CEP120: variants seen among roughly 807,000 people sequenced by gnomAD.
CEP120 encodes the protein centrosomal protein 120.
In CEP120, 113 loss-of-function variants were observed where a neutral mutation model predicts 126.5. That is an observed-to-expected ratio of 0.89 (90% CI 0.77 to 1.04). The LOEUF (loss-of-function observed/expected upper bound fraction) is 1.04, where lower values mean the gene tolerates loss of function less well. CEP120 is among the 50% of genes least tolerant of loss of function. The pLI is 0.00. For synonymous variants in CEP120, 400 were observed against 394.3 expected, an observed-to-expected ratio of 1.01 and a Z score of -0.17; for missense variants, 1,230 against 1,155.7, an observed-to-expected ratio of 1.06 and a Z score of -0.93.
intron 18 of CEP120, among the ~76,000 whole-genome samples, chr5:123,360,084 A>G (rs1769962200): frequency 6.6e-6 from 1 of 151,978 alleles, no homozygotes; most frequent in Non-Finnish European, 1.5e-5. Context: ...CACCAGAGGC[A>G]ATGTAAAATT....
At chr5:123,377,590 T>G in intron 15 of CEP120, 55 bp from the exon 16 acceptor site, 1 of 1,340,934 alleles carries the variant, frequency 7.5e-7, no homozygotes, top group East Asian at 2.4e-5. Context: ...CATTATACTA[T>G]TCGATATTCC....
chr5:123,364,591 C>A lies in CEP120; in HGVS notation c.2485G>T (p.Glu829Ter). 6.3e-7 allele frequency: 1 copy of A among 1,595,434 alleles called. No homozygotes were observed. The highest frequency in any genetic ancestry group is 1.1e-5 in the South Asian group (1 of 90,102). ...GCAGATTCCAACTTTCTTTCAAGTT[C>A]AACCTAACAGTGATTAAAATCATAT... The part of the protein sequence containing the change: ...EINLLTLEKV[E>*]LERKLESATK... The change falls in exon 18 of 20, where the codon GAA (glutamate) becomes TAA (stop). Residue 829 changes from glutamate to a stop codon, truncating the protein, a stop_gained. Transcript: ENST00000306467. LOFTEE classifies it high-confidence loss of function.
intron 4 of CEP120, among the ~76,000 whole-genome samples, chr5:123,406,586 GA>G (rs201100015): frequency 0.062 from 8,374 of 135,760 alleles, 323 homozygotes; most frequent in South Asian, 0.11. Context: ...ACAATGTTGA[GA>G]AAAAAAAAAA....
intron 4 of CEP120, 33 bp downstream of exon 4, chr5:123,412,366 C>T: frequency 6.3e-7 from 1 of 1,578,450 alleles, no homozygotes; most frequent in African/African-American, 1.4e-5. Context: ...GATGGAACTT[C>T]TCAGAGAATG....
chr5:123,398,988 C>T, intron 5 of CEP120, 148 bp downstream of exon 5: 2 of 515,882 alleles, frequency 3.9e-6, no homozygotes, highest in Non-Finnish European at 3.3e-6. Flanking sequence ...GTTTTCTTTC[C>T]AGTATGAAAG....
chr5:123,387,317 C>A (rs1772098385), intron 9 of CEP120, among the ~76,000 whole-genome samples: 2 of 152,076 alleles, frequency 1.3e-5, no homozygotes, highest in South Asian at 2.1e-4. Flanking sequence ...TGTAGTCACC[C>A]AATTCCTATA....
chr5:123,374,536 G>A (rs1260473553), intron 16 of CEP120, among the ~76,000 whole-genome samples: 2 of 151,842 alleles, frequency 1.3e-5, no homozygotes, highest in Non-Finnish European at 2.9e-5. Context: ...AACATATACC[G>A]CTATGACTAT....
intron 4 of CEP120, 95 bp downstream of exon 4, chr5:123,412,304 C>G: frequency 8.6e-7 from 1 of 1,167,802 alleles, no homozygotes; most frequent in Non-Finnish European, 1.2e-6. Flanking sequence ...ACAGTTTACA[C>G]CCTGCATATA....
Position 123,382,198 on chromosome 5 carries a change from C to T in CEP120, c.2016G>A (p.Leu672=), listed in dbSNP as rs1339402728. ...GCATATGAGCCAGTTCTTTCTGCTT[C>T]AGCTACAAAAGGAAGAAAAATAAAG... ...EMQEDIFENQ[L]KQKELAHMQA... is the part of the protein sequence containing the mutation. The change falls in exon 14 of 20, where the codon CTG becomes CTA. Residue 672 remains leucine (L), a splice_region_variant and synonymous_variant. Coordinates refer to ENST00000306467, the MANE Select transcript of CEP120 (RefSeq NM_001375405.1). 6.3e-7 allele frequency: 1 copy of T among 1,598,654 alleles called. No homozygotes were observed.
intron 4 of CEP120, chr5:123,401,654 T>C (rs1159828463): frequency 1.4e-6 from 2 of 1,429,600 alleles, no homozygotes; most frequent in Admixed American, 1.7e-5. Flanking sequence ...CCGGATCTCC[T>C]CTTCATACAG....
chr5:123,400,864 C>T, intron 4 of CEP120: 1 of 1,088,186 alleles, frequency 9.2e-7, no homozygotes, highest in Non-Finnish European at 1.4e-6. Flanking sequence ...TGACCTCCCT[C>T]CCAGGCTCTG....
Position 123,346,464 on chromosome 5 carries a change from T to C in CEP120, c.*55A>G, listed in dbSNP as rs1486704437. ...CCATTTTCCTCACTTTTGAGGTTTT[T>C]ACAAAGAAATTAAAATTTAGACTTA... On this transcript the variant is annotated 3_prime_UTR_variant, in exon 20 of 20. Transcript: ENST00000306467. 5.2e-6 allele frequency: 7 copies of C among 1,352,432 alleles called. No homozygotes were observed. In the Admixed American group the frequency reaches 1.6e-4, roughly 31 times the overall value. The allele number at this position is 1,352,432 out of a possible 1,614,324, so 83.8% of individuals were successfully genotyped here. A position where few individuals can be genotyped will look rare whatever the true frequency, so the allele number is the denominator to read the frequency against.
chr5:123,407,105 T>A (rs200092285), intron 4 of CEP120, among the ~76,000 whole-genome samples: 186 of 124,452 alleles, frequency 1.5e-3, no homozygotes, highest in Non-Finnish European at 1.8e-3. Context: ...ACTAAAAAAG[T>A]AAAAAAAAAA....
chr5:123,415,829 G>A (rs527935254), intron 3 of CEP120, among the ~76,000 whole-genome samples, 181 bp downstream of exon 3: 1 of 151,676 alleles, frequency 6.6e-6, no homozygotes, highest in East Asian at 1.9e-4. Context: ...CCAAGATTGT[G>A]CTATTGCACT....
intron 16 of CEP120, among the ~76,000 whole-genome samples, chr5:123,375,532 A>T (rs1010486805): frequency 2.6e-5 from 4 of 152,022 alleles, no homozygotes; most frequent in Non-Finnish European, 4.4e-5. Flanking sequence ...CATGTTGCCC[A>T]GGCTAGTCTT....
chr5:123,346,363 A>G lies in CEP120; in HGVS notation c.*156T>C, dbSNP rs1299428103. The G allele has an allele frequency of 1.9e-6, 1 of 522,778 alleles. No homozygotes were observed. The highest frequency in any genetic ancestry group is 3.1e-5 in the East Asian group (1 of 32,588). The allele number at this position is 522,778 out of a possible 1,614,324, so 32.4% of individuals were successfully genotyped here. On this transcript the variant is annotated 3_prime_UTR_variant, in exon 20 of 20. Transcript: ENST00000306467. ...GTGTGGGAGAGGTAGCATAAAGTAA[A>G]TAAGATCAAATAAATACTATACAAT...
At chr5:123,404,007 T>C (rs909316902) in intron 4 of CEP120, among the ~76,000 whole-genome samples, 1 of 152,264 alleles carries the variant, frequency 6.6e-6, no homozygotes, top group African/African-American at 2.4e-5. Context: ...GTTTCATTAA[T>C]GTAATAAGGT....
chr5:123,351,739 A>C (rs1769211690), intron 18 of CEP120, among the ~76,000 whole-genome samples: 1 of 150,646 alleles, frequency 6.6e-6, no homozygotes, highest in African/African-American at 2.4e-5. Flanking sequence ...AAGTAATTTT[A>C]CATAACGTTT....
intron 3 of CEP120, among the ~76,000 whole-genome samples, chr5:123,414,962 A>C (rs1417029370): frequency 8.8e-6 from 1 of 113,432 alleles, no homozygotes. Flanking sequence ...ACAGAGCAAG[A>C]CTCCATCTCA....
Sources: allele counts gnomAD v4.1 joint callset (sites outside exome capture counted in the v4.1 genomes callset), GRCh38; gene constraint gnomAD v4.1.1; transcripts MANE v1.5; gene names NCBI Gene and HGNC (gene_info 2026-07-23, HGNC 2026-07-21).